Variants in SLC2A14 observed in about 807,000 individuals in gnomAD.
SLC2A14 encodes the protein solute carrier family 2, facilitated glucose transporter member 14.
A neutral mutation model predicts 43.0 loss-of-function variants in SLC2A14; 13 were observed. The ratio of observed to expected loss-of-function variants is 0.30; its 90% confidence interval spans 0.20 to 0.48. The LOEUF (loss-of-function observed/expected upper bound fraction) is 0.48. SLC2A14 is among the 20% of genes least tolerant of loss of function. The pLI is 0.99. For missense variants in SLC2A14, 428 were observed against 620.4 expected (o/e 0.69, Z 3.29); for synonymous variants, 190 against 233.8 (o/e 0.81, Z 1.71).
intron 2 of SLC2A14, among the ~76,000 whole-genome samples, chr12:7,869,004 C>T (rs1945077318): frequency 6.6e-6 from 1 of 151,918 alleles, no homozygotes; most frequent in Non-Finnish European, 1.5e-5. Context: ...ATTAGCCGGG[C>T]ATGGTGGCTC....
At chr12:7,889,457 C>T (rs1945741069) in intron 1 of SLC2A14, among the ~76,000 whole-genome samples, 1 of 151,470 alleles carries the variant, frequency 6.6e-6, no homozygotes, top group South Asian at 2.1e-4. Context: ...TGTTCTCGAA[C>T]TCCTGACCTC....
chr12:7,815,760 G>GCC (rs1863384191), intron 10 of SLC2A14, among the ~76,000 whole-genome samples: 1 of 151,876 alleles, frequency 6.6e-6, no homozygotes. Context: ...ATTTTTAGTA[G>GCC]AGGTGGGGAT....
intron 4 of SLC2A14, among the ~76,000 whole-genome samples, chr12:7,830,301 G>A (rs1864911928): frequency 1.3e-5 from 2 of 151,974 alleles, no homozygotes; most frequent in South Asian, 4.1e-4. Flanking sequence ...ACAGGCGCCT[G>A]CCACCATGCC....
At chr12:7,822,452 G>A (rs769609386) in intron 7 of SLC2A14, among the ~76,000 whole-genome samples, 1 of 151,766 alleles carries the variant, frequency 6.6e-6, no homozygotes, top group East Asian at 2.0e-4. Context: ...CAGATCACGA[G>A]GTCAGGAGAT....
intron 1 of SLC2A14, among the ~76,000 whole-genome samples, chr12:7,881,385 CGGCCCTGG>C (rs1287763001): frequency 1.3e-5 from 2 of 151,782 alleles, no homozygotes; most frequent in Non-Finnish European, 2.9e-5. Context: ...GCCGGCCGGC[CGGCCCTGG>C]TGGCCCCGGG....
intron 2 of SLC2A14, among the ~76,000 whole-genome samples, chr12:7,834,291 G>A (rs1865263928): frequency 6.6e-6 from 1 of 151,078 alleles, no homozygotes; most frequent in Admixed American, 6.6e-5. Context: ...GCCCAAGGCT[G>A]GTCTCAAACT....
At chr12:7,863,009 C>G (rs1944672051) in intron 2 of SLC2A14, among the ~76,000 whole-genome samples, 1 of 152,128 alleles carries the variant, frequency 6.6e-6, no homozygotes, top group Non-Finnish European at 1.5e-5. Flanking sequence ...GCTGCCCAAG[C>G]CCGCATTGGC....
In SLC2A14 at chr12:7,861,634, T is replaced by C. The variant is rs750302710; in HGVS notation, c.18+8229A>G. ...AGCCCTTCACTTGTCCCGAAAACCA[T>C]ACAAACCATACATAAAAGCTTTGTA... On this transcript the variant is annotated intron_variant, in intron 2 of 10. Coordinates refer to ENST00000431042, the MANE Select transcript of SLC2A14 (RefSeq NM_001286234.2). Among the ~76,000 whole-genome samples, 446 of 152,032 alleles carry C rather than the reference T, an allele frequency of 2.9e-3. 1 individual carries two copies. Among genetic ancestry groups the C allele is most frequent in the African/African-American group, 0.01 (426 of 41,478 alleles).
At chr12:7,871,275 T>C in intron 1 of SLC2A14, 2 of 1,182,716 alleles carry the variant, frequency 1.7e-6, no homozygotes, top group East Asian at 5.0e-5. Context: ...AAGAAGTGGA[T>C]GAGATGTACT....
In SLC2A14 at chr12:7,832,791, G is replaced by A; in HGVS notation, c.42C>T (p.Ala14=). 6.2e-7 allele frequency: 1 copy of A among 1,614,196 alleles called. No homozygotes were observed. Among genetic ancestry groups the A allele is most frequent in the Non-Finnish European group, 8.5e-7 (1 of 1,180,022 alleles). Residue 14 remains alanine (A), a synonymous_variant, in exon 3 of 11, where the codon GCC becomes GCT. Coordinates refer to ENST00000431042, the MANE Select transcript of SLC2A14 (RefSeq NM_001286234.2). ...RQNVTPALIF[A]ITVATIGSFQ... ...AAGAGCCGATTGTAGCAACTGTGAT[G>A]GCAAAGATCAGAGCTGGGGTGACCT...
intron 2 of SLC2A14, among the ~76,000 whole-genome samples, chr12:7,842,674 A>G (rs1038611061): frequency 5.3e-5 from 8 of 150,264 alleles, no homozygotes; most frequent in African/African-American, 2.0e-4. Flanking sequence ...AAACAGCTAC[A>G]TGATGACTGA....
Position 7,832,732 on chromosome 12 carries a change from G to C in SLC2A14, c.101C>G (p.Ala34Gly). The C allele has an allele frequency of 1.2e-6, 2 of 1,614,052 alleles. No homozygotes were observed. Among genetic ancestry groups the C allele is most frequent in the Non-Finnish European group, 1.7e-6 (2 of 1,179,948 alleles). Residue 34 changes from alanine (A) to glycine (G), a missense_variant, in exon 3 of 11, where the codon GCT becomes GGT. This residue lies in a region of SLC2A14 where 122 missense variants were observed against 128.8 expected (regional missense o/e 0.95). Transcript: ENST00000431042. ...TGGCCTGGCACTCACCGTCTCAGGA[G>C]CATTGATGACCCCAGTGTTGTAGCC... is the stretch of plus-strand genomic sequence containing the variant. ...QFGYNTGVIN[A>G]PETIIKEFIN...
chr12:7,828,224 G>C (rs1216133328), intron 6 of SLC2A14, among the ~76,000 whole-genome samples: 2 of 152,018 alleles, frequency 1.3e-5, no homozygotes, highest in African/African-American at 4.8e-5. Flanking sequence ...ATTAGCTGGC[G>C]TGGTGTCGCG....
intron 2 of SLC2A14, among the ~76,000 whole-genome samples, chr12:7,866,361 A>AT (rs1944910069): frequency 6.6e-6 from 1 of 151,846 alleles, no homozygotes; most frequent in Admixed American, 6.6e-5. Flanking sequence ...ACTTTCTTTA[A>AT]TTTTTTCTTT....
intron 7 of SLC2A14, among the ~76,000 whole-genome samples, chr12:7,822,064 T>A (rs1280707683): frequency 6.6e-6 from 1 of 151,870 alleles, no homozygotes; most frequent in Non-Finnish European, 1.5e-5. Flanking sequence ...GACCTCATGA[T>A]CCGCCCGCCT....
chr12:7,863,090 G>T (rs1944681181), intron 2 of SLC2A14, among the ~76,000 whole-genome samples: 1 of 152,078 alleles, frequency 6.6e-6, no homozygotes, highest in Non-Finnish European at 1.5e-5. Context: ...TCTTGCTACT[G>T]CTCACTTTTT....
chr12:7,869,315 G>C (rs1592309771), intron 2 of SLC2A14, among the ~76,000 whole-genome samples: 1 of 152,096 alleles, frequency 6.6e-6, no homozygotes, highest in South Asian at 2.1e-4. Flanking sequence ...TGGCAAATTA[G>C]GCATTACGTA....
chr12:7,818,617 G>C (rs2120669237), intron 9 of SLC2A14, among the ~76,000 whole-genome samples: 2 of 152,046 alleles, frequency 1.3e-5, no homozygotes, highest in Middle Eastern at 6.8e-3. Context: ...AGCCAAGATG[G>C]CGACATTGCA....
rs1863178773 is a variant in SLC2A14 at position 7,813,375 on chromosome 12, T to G, written c.*941A>C. 6.6e-6 allele frequency: 1 copy of G among 152,184 alleles called. No homozygotes were observed. Among genetic ancestry groups the G allele is most frequent in the Non-Finnish European group, 1.5e-5 (1 of 68,046 alleles). 9.4% of individuals were successfully genotyped at this position (152,184 alleles called of 1,614,324 possible). ...TACTACAAGGAGTTATTTCGTCCAG[T>G]GAGGGGAACAGGCTTTCTAGAAATC... is the stretch of plus-strand genomic sequence containing the variant. On this transcript the variant is annotated 3_prime_UTR_variant, in exon 11 of 11. Coordinates refer to ENST00000431042, the MANE Select transcript of SLC2A14 (RefSeq NM_001286234.2).
Sources: allele counts gnomAD v4.1 joint callset (sites outside exome capture counted in the v4.1 genomes callset), GRCh38; gene constraint gnomAD v4.1.1; regional missense constraint gnomAD v4.1.1; transcripts MANE v1.5; gene names NCBI Gene and HGNC (gene_info 2026-07-23, HGNC 2026-07-21).